The following CERS5 variants were observed in gnomAD, a reference collection of about 807,000 sequenced individuals.
The protein encoded by CERS5 is ceramide synthase 5, also known as LAG1 homolog, ceramide synthase 5.
CERS5 carries 37 observed loss-of-function variants against 58.9 expected under a neutral mutation model. The ratio of observed to expected loss-of-function variants is 0.63; its 90% confidence interval spans 0.48 to 0.83. The LOEUF is 0.83. Ranked by LOEUF, CERS5 falls within the 40% of genes least tolerant of loss-of-function variation. CERS5 has a pLI of 0.00. For synonymous variants in CERS5, 147 were observed against 177.8 expected (o/e 0.83, Z 1.38); for missense variants, 398 against 489.3 (o/e 0.81, Z 1.76).
rs373859358 is a variant in CERS5 at position 50,137,719 on chromosome 12, C to T, written c.636+9G>A. The T allele has an allele frequency of 7.2e-6, 11 of 1,527,016 alleles. No homozygotes were observed. The highest frequency in any genetic ancestry group is 5.8e-5 in the South Asian group (5 of 86,636). 94.6% of individuals were successfully genotyped at this position (1,527,016 alleles called of 1,614,324 possible). The stretch of plus-strand genomic sequence containing the variant: ...TAAGTTGGGGAATTGAGGGAGCCAA[C>T]GTCCTTACCTTTCTTTTAATGTCTG... On this transcript the variant is annotated intron_variant, in intron 6 of 9. Transcript: ENST00000317551.
At chr12:50,156,856 G>A (rs1938717348) in intron 1 of CERS5, among the ~76,000 whole-genome samples, 1 of 152,142 alleles carries the variant, frequency 6.6e-6, no homozygotes, top group South Asian at 2.1e-4. Context: ...AGGCTGTAGT[G>A]ACATCAGCCC....
In CERS5 at chr12:50,130,151, A is replaced by C; in HGVS notation, c.*394T>G. 1 of 163,982 alleles carries C rather than the reference A, an allele frequency of 6.1e-6. No homozygotes were observed. The highest frequency in any genetic ancestry group is 1.3e-5 in the Non-Finnish European group (1 of 75,464). The allele number at this position is 163,982 out of a possible 1,614,324, so 10.2% of individuals were successfully genotyped here. On this transcript the variant is annotated 3_prime_UTR_variant, in exon 10 of 10. Transcript: ENST00000317551. ...CCAGGGGTTTAGAGTGTCAAGAGCC[A>C]AGGGCAAAAAAGAAGGAGAAGTCTG... is the stretch of plus-strand genomic sequence containing the variant.
intron 1 of CERS5, among the ~76,000 whole-genome samples, chr12:50,156,875 G>A (rs896572530): frequency 1.3e-5 from 2 of 152,146 alleles, no homozygotes; most frequent in Non-Finnish European, 2.9e-5. Flanking sequence ...CCTGTGAATG[G>A]CCACTGAATT....
intron 1 of CERS5, among the ~76,000 whole-genome samples, chr12:50,155,976 C>G (rs1033684321): frequency 1.3e-5 from 2 of 148,920 alleles, no homozygotes; most frequent in African/African-American, 5.0e-5. Context: ...GGTGGCACAC[C>G]TGCAGTCCCA....
chr12:50,136,196 G>A (rs2138035318), intron 6 of CERS5, 127 bp from the exon 7 acceptor site: 1 of 794,818 alleles, frequency 1.3e-6, no homozygotes, highest in East Asian at 3.2e-5. Flanking sequence ...CCATTGGCCG[G>A]GCGAGGTGGC....
At chr12:50,165,905 TATA>T (rs2138319189) in intron 1 of CERS5, 1 of 453,566 alleles carries the variant, frequency 2.2e-6, no homozygotes, top group South Asian at 1.6e-5. Flanking sequence ...AAATTCACAT[TATA>T]ATATCACACA....
At chr12:50,142,969 A>G in intron 3 of CERS5, 105 bp downstream of exon 3, 1 of 1,253,324 alleles carries the variant, frequency 8.0e-7, no homozygotes, top group African/African-American at 1.5e-5. Context: ...CTCTATATCC[A>G]TTAACTGTTG....
intron 1 of CERS5, chr12:50,147,247 C>T (rs1952336383): frequency 6.6e-6 from 1 of 151,762 alleles, no homozygotes; most frequent in African/African-American, 2.4e-5. Context: ...ACTAAAAATA[C>T]AAAAAGTTAG....
At chr12:50,165,469 G>A (rs1369122573) in intron 1 of CERS5, 5 of 150,982 alleles carry the variant, frequency 3.3e-5, no homozygotes, top group African/African-American at 1.2e-4. Flanking sequence ...GCTACACTAA[G>A]TTCCTGAGGG....
intron 1 of CERS5, chr12:50,145,202 A>T (rs1418687177): frequency 6.6e-6 from 1 of 152,054 alleles, no homozygotes; most frequent in African/African-American, 2.4e-5. Flanking sequence ...GATGATTTCT[A>T]AGATTTTTTT....
intron 2 of CERS5, 61 bp downstream of exon 2, chr12:50,143,891 C>G: frequency 9.8e-7 from 1 of 1,018,806 alleles, no homozygotes; most frequent in South Asian, 1.3e-5. Context: ...TCTCTATCCT[C>G]CCCTGCCCCA....
chr12:50,164,266 ATTTTTTT>A (rs34566112), intron 1 of CERS5, among the ~76,000 whole-genome samples: 5 of 141,954 alleles, frequency 3.5e-5, no homozygotes, highest in African/African-American at 1.3e-4. Context: ...CGCTCTCCCA[ATTTTTTT>A]TTTTTTTTTT....
intron 9 of CERS5, 117 bp from the exon 10 acceptor site, chr12:50,130,811 A>AACTC: frequency 1.2e-6 from 1 of 849,098 alleles, no homozygotes; most frequent in South Asian, 2.1e-5. Context: ...GATGACATCT[A>AACTC]ACTCAAAGAA....
intron 1 of CERS5, among the ~76,000 whole-genome samples, chr12:50,146,663 C>T (rs1952287391): frequency 6.6e-6 from 1 of 150,924 alleles, no homozygotes; most frequent in Non-Finnish European, 1.5e-5. Context: ...ATCGAGACCA[C>T]GGTGAAACCC....
rs140700820 is a variant in CERS5, at chr12:50,142,709, T to A, written c.434+365A>T. Among the ~76,000 whole-genome samples, 3 of 152,272 alleles carry A rather than the reference T, an allele frequency of 2.0e-5. No homozygotes were observed. The East Asian group carries it at 5.8e-4, about 29-fold the overall frequency. On this transcript the variant is annotated intron_variant, in intron 3 of 9. Coordinates refer to ENST00000317551, the MANE Select transcript of CERS5 (RefSeq NM_147190.5). ...AGCTCAATAAAATGAAAAATAGTATTTCCCAGAAAAGGAATGCTTCCTAAA... is the reference window on the plus strand; with the variant it reads ...AGCTCAATAAAATGAAAAATAGTATATCCCAGAAAAGGAATGCTTCCTAAA...
At chr12:50,156,677 T>C (rs554463213) in intron 1 of CERS5, among the ~76,000 whole-genome samples, 89 of 152,052 alleles carry the variant, frequency 5.9e-4, no homozygotes, top group African/African-American at 2.1e-3. Context: ...CTATTTGGGG[T>C]CTTCAATAAT....
chr12:50,136,551 G>C lies in CERS5; in HGVS notation c.637-482C>G, dbSNP rs182331028. Among the ~76,000 whole-genome samples the C allele has an allele frequency of 1.4e-3, 208 of 152,178 alleles. 1 individual carries two copies. The highest frequency in any genetic ancestry group is 1.4e-3 in the Non-Finnish European group (93 of 68,022). ...ATTTAACTGAACACTCCCTACATCA[G>C]TGACTGACCCATACTCTATGTTAAT... On this transcript the variant is annotated intron_variant, in intron 6 of 9. Coordinates refer to ENST00000317551, the MANE Select transcript of CERS5 (RefSeq NM_147190.5).
chr12:50,130,523 T>C lies in CERS5; in HGVS notation c.*22A>G. 6.4e-7 allele frequency: 1 copy of C among 1,568,338 alleles called. No homozygotes were observed. The highest frequency in any genetic ancestry group is 2.3e-5 in the East Asian group (1 of 43,922). On this transcript the variant is annotated 3_prime_UTR_variant, in exon 10 of 10. Transcript: ENST00000317551. ...AGTGGCCCTACAAGTCCATGTGTGC[T>C]GAAGTCCCTATAGCAACCACCTTAC...
In CERS5 at chr12:50,129,593, C is replaced by T. The variant is rs1951202461; in HGVS notation, c.*952G>A. 1 of 149,280 alleles carries T rather than the reference C, an allele frequency of 6.7e-6. No individual in the cohort carries two copies. The highest frequency in any genetic ancestry group is 1.5e-5 in the Non-Finnish European group (1 of 67,592). The allele number at this position is 149,280 out of a possible 1,614,324, so 9.2% of individuals were successfully genotyped here. Reference sequence around the variant, plus strand: ...CGATCTTGGCTCGCTGCAACCTCTGCCTCCCAGGTTCAAGTGATTCTTCTT... The same window carrying T: ...CGATCTTGGCTCGCTGCAACCTCTGTCTCCCAGGTTCAAGTGATTCTTCTT... On this transcript the variant is annotated 3_prime_UTR_variant, in exon 10 of 10. Coordinates refer to ENST00000317551, the MANE Select transcript of CERS5 (RefSeq NM_147190.5).
Sources: allele counts gnomAD v4.1 joint callset (sites outside exome capture counted in the v4.1 genomes callset), GRCh38; gene constraint gnomAD v4.1.1; transcripts MANE v1.5; gene names NCBI Gene and HGNC (gene_info 2026-07-23, HGNC 2026-07-21).